Variants in PPRC1 observed in about 807,000 individuals in gnomAD.
PPRC1 encodes PPARG related coactivator 1.
A neutral mutation model predicts 132.5 loss-of-function variants in PPRC1; 23 were observed. The observed-to-expected ratio is 0.17, with a 90% CI of 0.12 to 0.25. PPRC1 has a LOEUF of 0.25. Ranked by LOEUF, PPRC1 falls within the 10% of genes least tolerant of loss-of-function variation. PPRC1 has a pLI of 1.00. For missense variants in PPRC1, 2,006 were observed against 2,089.1 expected, an observed-to-expected ratio of 0.96 and a Z score of 0.78; for synonymous variants, 872 against 833.5, an observed-to-expected ratio of 1.05 and a Z score of -0.80.
upstream of PPRC1, chr10:102,132,906 G>A: frequency 1.9e-6 from 2 of 1,063,668 alleles, no homozygotes; most frequent in Non-Finnish European, 1.2e-6. Context: ...GAACCTTCGC[G>A]CGAGGCCAGG....
Position 102,138,805 on chromosome 10 carries a change from T to C in PPRC1, c.489+40T>C, listed in dbSNP as rs761580596. On this transcript the variant is annotated intron_variant, in intron 3 of 13. Coordinates refer to ENST00000278070, the MANE Select transcript of PPRC1 (RefSeq NM_015062.5). ...AGGGGAAGGGGATTAGTACAAAGTT[T>C]AGACCCATGCCTGTGGACCTACTCA... 4 of 1,613,676 alleles carry C rather than the reference T, an allele frequency of 2.5e-6. No homozygotes were observed. In the African/African-American group the frequency reaches 5.3e-5, roughly 22 times the overall value.
Position 102,146,702 on chromosome 10 carries a change from A to G in PPRC1, c.3710A>G (p.Gln1237Arg). The change falls in exon 9 of 14, where the codon CAG (glutamine) becomes CGG (arginine). Residue 1237 changes from glutamine (Q) to arginine (R), a missense_variant. Physicochemically the swap from Gln to Arg is conservative, Grantham distance 43. Around this residue, in one of 2 missense-constraint regions of PPRC1, gnomAD observed 1,914 missense variants for 1,917.2 expected, o/e 1.00. Coordinates refer to ENST00000278070, the MANE Select transcript of PPRC1 (RefSeq NM_015062.5). ...GLTPPATPPHQLWKPLAAVSL... is the reference protein window; with the variant it reads ...GLTPPATPPHRLWKPLAAVSL... ...ACCCCTCCAGCTACCCCTCCCCACC[A>G]GTTATGGAAGCCCCTGGCTGCTGTC... The G allele has an allele frequency of 6.2e-7, 1 of 1,612,406 alleles. No individual in the cohort carries two copies.
the PPRC1 span, among the ~76,000 whole-genome samples, chr10:102,123,085 A>G: frequency 6.6e-6 from 1 of 152,294 alleles, no homozygotes; most frequent in Non-Finnish European, 1.5e-5. Flanking sequence ...CACTGACACT[A>G]TAGCCCAGTT....
chr10:102,132,871 C>A (rs546099370), upstream of PPRC1: 1 of 715,064 alleles, frequency 1.4e-6, no homozygotes, highest in East Asian at 3.4e-5. Context: ...AAACGGTCCC[C>A]ACTTAAAGGG....
the PPRC1 span, among the ~76,000 whole-genome samples, chr10:102,127,741 G>A: frequency 3.3e-5 from 5 of 151,532 alleles, no homozygotes; most frequent in South Asian, 2.1e-4. Flanking sequence ...TAGTAGAGAC[G>A]GGGTTTCACC....
chr10:102,139,482 C>T lies in PPRC1; in HGVS notation c.974C>T (p.Ser325Leu), dbSNP rs2068858394. The change falls in exon 5 of 14, where the codon TCA becomes TTA. Residue 325 changes from serine to leucine, a missense_variant. Transcript: ENST00000278070. Reference protein sequence around the residue: ...YCLPNLTHLASLEDELQEQPD... With the variant: ...YCLPNLTHLALLEDELQEQPD... Reference sequence around the variant, plus strand: ...CTGCCCAACCTCACCCACCTGGCATCACTTGAGGATGAGCTTCAGGAGCAG... The same window carrying T: ...CTGCCCAACCTCACCCACCTGGCATTACTTGAGGATGAGCTTCAGGAGCAG... 1 of 1,614,038 alleles carries T rather than the reference C, an allele frequency of 6.2e-7. No homozygotes were observed. Among genetic ancestry groups the T allele is most frequent in the Non-Finnish European group, 8.5e-7 (1 of 1,179,904 alleles).
At position 102,139,994 on chromosome 10, in the gene PPRC1, C is replaced by A; in HGVS notation, c.1486C>A (p.Gln496Lys). ...QSTVGTEVTS[Q>K]VDNLQKQPQE... is the part of the protein sequence containing the mutation. ...TACTGTAGGTACAGAAGTGACCTCT[C>A]AGGTAGACAACTTGCAGAAACAGCC... Residue 496 changes from glutamine to lysine, a missense_variant, in exon 5 of 14, where the codon CAG (glutamine) becomes AAG (lysine). By Grantham distance (53) the Gln-to-Lys change is moderately conservative (BLOSUM62 1). This residue lies in a region of PPRC1 where 1,914 missense variants were observed against 1,917.2 expected (regional missense o/e 1.00). Coordinates refer to ENST00000278070, the MANE Select transcript of PPRC1 (RefSeq NM_015062.5). 1 of 1,614,210 alleles carries A rather than the reference C, an allele frequency of 6.2e-7. No individual in the cohort carries two copies. Among genetic ancestry groups the A allele is most frequent in the Non-Finnish European group, 8.5e-7 (1 of 1,180,042 alleles).
In PPRC1 at chr10:102,140,070, C is replaced by T; in HGVS notation, c.1562C>T (p.Pro521Leu). 1.2e-6 allele frequency: 2 copies of T among 1,614,214 alleles called. No homozygotes were observed. Among genetic ancestry groups the T allele is most frequent in the Non-Finnish European group, 1.7e-6 (2 of 1,180,042 alleles). ...GGGCCTCTCCAGGGTAAGGGGAAGCCCCGGGCTTGGGCTCGGGCCTGGGCA... is the reference window on the plus strand; with the variant it reads ...GGGCCTCTCCAGGGTAAGGGGAAGCTCCGGGCTTGGGCTCGGGCCTGGGCA... Reference protein sequence around the residue: ...ESGPLQGKGKPRAWARAWAAA... With the variant: ...ESGPLQGKGKLRAWARAWAAA... The change falls in exon 5 of 14, where the codon CCC becomes CTC. Residue 521 changes from proline (P) to leucine (L), a missense_variant. Around this residue, in one of 2 missense-constraint regions of PPRC1, gnomAD observed 1,914 missense variants for 1,917.2 expected, o/e 1.00. Transcript: ENST00000278070.
the PPRC1 span, among the ~76,000 whole-genome samples, chr10:102,122,212 G>A: frequency 2.0e-5 from 3 of 152,124 alleles, no homozygotes; most frequent in Admixed American, 6.6e-5. Flanking sequence ...CCAGACAAAG[G>A]TCAGCACTAG....
intron 5 of PPRC1, 29 bp from the exon 6 acceptor site, chr10:102,143,016 T>G: frequency 1.2e-6 from 2 of 1,600,070 alleles, no homozygotes; most frequent in Non-Finnish European, 1.7e-6. Context: ...AGGGGCTCGT[T>G]TTCAATCCTG....
At chr10:102,130,769 A>C (rs2068528383), upstream of PPRC1, among the ~76,000 whole-genome samples, 1 of 151,902 alleles carries the variant, frequency 6.6e-6, no homozygotes, top group South Asian at 2.1e-4. Context: ...AAACAACTAA[A>C]CAGCCAGGCA....
chr10:102,139,146 C>G lies in PPRC1; in HGVS notation c.638C>G (p.Ser213Cys), dbSNP rs746664279. Reference sequence around the variant, plus strand: ...CCCTCTTGGGACTTCTCCCCACCCTCTTTCTTAGAGACCTCTTCCCCCAAG... The same window carrying G: ...CCCTCTTGGGACTTCTCCCCACCCTGTTTCTTAGAGACCTCTTCCCCCAAG... ...PDPSWDFSPP[S>C]FLETSSPKLP... The change falls in exon 5 of 14, where the codon TCT becomes TGT. Residue 213 changes from serine (S) to cysteine (C), a missense_variant. By Grantham distance (112) the Ser-to-Cys change is moderately radical. Coordinates refer to ENST00000278070, the MANE Select transcript of PPRC1 (RefSeq NM_015062.5). 5 of 1,612,546 alleles carry G rather than the reference C, an allele frequency of 3.1e-6. No individual in the cohort carries two copies. The highest frequency in any genetic ancestry group is 4.2e-6 in the Non-Finnish European group (5 of 1,179,040).
At chr10:102,129,283 A>G (rs1437820235), upstream of PPRC1, among the ~76,000 whole-genome samples, 1 of 152,180 alleles carries the variant, frequency 6.6e-6, no homozygotes, top group Non-Finnish European at 1.5e-5. Context: ...TTTGGCGAGC[A>G]TGGAGTCAGA....
chr10:102,132,780 C>T (rs2068568705), upstream of PPRC1, among the ~76,000 whole-genome samples: 1 of 152,192 alleles, frequency 6.6e-6, no homozygotes, highest in South Asian at 2.1e-4. Flanking sequence ...TTAACTTTCC[C>T]CCTAACTGCT....
rs146640325 is a variant in PPRC1 at position 102,144,303 on chromosome 10, T to G, written c.3604T>G (p.Ser1202Ala). Residue 1202 changes from serine (S) to alanine (A), a missense_variant, in exon 7 of 14, where the codon TCA becomes GCA. By Grantham distance (99) the Ser-to-Ala change is moderately conservative. Around this residue, in one of 2 missense-constraint regions of PPRC1, gnomAD observed 1,914 missense variants for 1,917.2 expected, o/e 1.00. Coordinates refer to ENST00000278070, the MANE Select transcript of PPRC1 (RefSeq NM_015062.5). Reference protein sequence around the residue: ...APADSLAVGNSGGVDIPQEKR... With the variant: ...APADSLAVGNAGGVDIPQEKR... ...TGCTGACAGCTTGGCTGTAGGAAAC[T>G]CAGGGTAAGTATGGAGACATGAGCG... The G allele has an allele frequency of 5.0e-6, 8 of 1,613,814 alleles. No homozygotes were observed. The highest frequency in any genetic ancestry group is 5.9e-6 in the Non-Finnish European group (7 of 1,179,990).
chr10:102,130,107 C>G (rs76492330), upstream of PPRC1, among the ~76,000 whole-genome samples: 40 of 152,164 alleles, frequency 2.6e-4, no homozygotes, highest in East Asian at 7.5e-3. Flanking sequence ...AGTTAATTCA[C>G]CTGAAACAAC....
At chr10:102,120,209 G>T in the PPRC1 span, 5 of 1,015,818 alleles carry the variant, frequency 4.9e-6, no homozygotes, top group Non-Finnish European at 5.9e-6. Flanking sequence ...CGCGGCCCCC[G>T]CTGCGCTCGC....
At chr10:102,129,640 G>A (rs959819517), upstream of PPRC1, among the ~76,000 whole-genome samples, 5 of 151,834 alleles carry the variant, frequency 3.3e-5, no homozygotes, top group South Asian at 2.1e-4. Context: ...GTCTCGCCCC[G>A]TCGCCCAGGC....
At chr10:102,137,752 G>A (rs2068777451) in intron 1 of PPRC1, 98 bp from the exon 2 acceptor site, 1 of 1,183,496 alleles carries the variant, frequency 8.4e-7, no homozygotes, top group African/African-American at 1.6e-5. Flanking sequence ...TGCTGCTGCT[G>A]AGTTTGGCCC....
Sources: allele counts gnomAD v4.1 joint callset (sites outside exome capture counted in the v4.1 genomes callset), GRCh38; gene constraint gnomAD v4.1.1; regional missense constraint gnomAD v4.1.1; transcripts MANE v1.5; gene names NCBI Gene and HGNC (gene_info 2026-07-23, HGNC 2026-07-21).